Variants in DSCAM observed in about 807,000 individuals in gnomAD.
The protein encoded by DSCAM is cell adhesion molecule DSCAM.
A neutral mutation model predicts 217.7 loss-of-function variants in DSCAM; 47 were observed. The observed-to-expected ratio is 0.22, with a 90% CI of 0.17 to 0.28. DSCAM has a LOEUF of 0.28. Ranked by LOEUF, DSCAM falls within the 10% of genes least tolerant of loss-of-function variation. The pLI, the probability that DSCAM is intolerant of heterozygous loss-of-function variation, is 1.00. For missense variants in DSCAM, 2,080 were observed against 2,618.3 expected (o/e 0.79, Z 4.49); for synonymous variants, 1,056 against 1,015.3 (o/e 1.04, Z -0.76).
chr21:40,021,963 C>G (rs1356274893), intron 32 of DSCAM, among the ~76,000 whole-genome samples: 1 of 152,310 alleles, frequency 6.6e-6, no homozygotes, highest in South Asian at 2.1e-4. Context: ...AGCAAAACTT[C>G]CTGAATTTTC....
intron 16 of DSCAM, among the ~76,000 whole-genome samples, chr21:40,145,351 G>A (rs1285577833): frequency 6.6e-6 from 1 of 152,156 alleles, no homozygotes; most frequent in Non-Finnish European, 1.5e-5. Context: ...ACTGGCATGG[G>A]AAGGTGAGTG....
chr21:40,305,389 C>CA (rs58738453), intron 9 of DSCAM, among the ~76,000 whole-genome samples: 4,696 of 68,090 alleles, frequency 0.069, 211 homozygotes, highest in African/African-American at 0.096. Context: ...GATCCCGTCT[C>CA]AAAAAAAAAA....
intron 1 of DSCAM, among the ~76,000 whole-genome samples, chr21:40,779,597 T>C (rs1267800366): frequency 1.3e-5 from 2 of 151,968 alleles, no homozygotes; most frequent in African/African-American, 2.4e-5. Flanking sequence ...GGAAGACAAA[T>C]GGTATAAAAA....
intron 10 of DSCAM, among the ~76,000 whole-genome samples, chr21:40,282,933 T>G (rs1200173201): frequency 6.6e-6 from 1 of 152,202 alleles, no homozygotes; most frequent in Non-Finnish European, 1.5e-5. Flanking sequence ...AAGATAGAAA[T>G]AAAGTTTCAA....
At chr21:40,275,715 A>G (rs1227948568) in intron 11 of DSCAM, among the ~76,000 whole-genome samples, 1 of 152,200 alleles carries the variant, frequency 6.6e-6, no homozygotes, top group Non-Finnish European at 1.5e-5. Flanking sequence ...CTTTGTAAAG[A>G]GCACATCTGA....
At chr21:40,257,958 T>C (rs1388600366) in intron 11 of DSCAM, among the ~76,000 whole-genome samples, 2 of 151,978 alleles carry the variant, frequency 1.3e-5, no homozygotes. Flanking sequence ...ATCAATGGGG[T>C]TTTAAGCAAA....
At chr21:40,545,201 A>G (rs937415375) in intron 3 of DSCAM, among the ~76,000 whole-genome samples, 1 of 152,204 alleles carries the variant, frequency 6.6e-6, no homozygotes, top group Non-Finnish European at 1.5e-5. Flanking sequence ...CATGGACATC[A>G]GCAGACACAG....
chr21:40,341,015 C>A (rs539886249), intron 6 of DSCAM, among the ~76,000 whole-genome samples: 1 of 152,304 alleles, frequency 6.6e-6, no homozygotes, highest in East Asian at 1.9e-4. Context: ...AATCTCACTT[C>A]TTCATTCCAG....
chr21:40,417,071 C>A (rs1158004650), intron 3 of DSCAM, among the ~76,000 whole-genome samples: 2 of 152,080 alleles, frequency 1.3e-5, no homozygotes, highest in Non-Finnish European at 2.9e-5. Context: ...ACTCTGACGT[C>A]CATATTTGCA....
At chr21:40,280,100 C>T (rs1348185714) in intron 10 of DSCAM, among the ~76,000 whole-genome samples, 1 of 151,076 alleles carries the variant, frequency 6.6e-6, no homozygotes, top group Non-Finnish European at 1.5e-5. Flanking sequence ...ACACGTTCTG[C>T]ACATGTATCC....
chr21:40,802,198 G>A (rs530140023), intron 1 of DSCAM, among the ~76,000 whole-genome samples: 2 of 152,352 alleles, frequency 1.3e-5, no homozygotes, highest in African/African-American at 2.4e-5. Context: ...TGGAGTCAAA[G>A]GAGATTACTC....
intron 3 of DSCAM, among the ~76,000 whole-genome samples, chr21:40,432,217 AATAT>A (rs1024862160): frequency 3.2e-4 from 49 of 150,916 alleles, no homozygotes; most frequent in African/African-American, 8.5e-4. Flanking sequence ...ATAAAAAATA[AATAT>A]ATAAATAAAT....
At chr21:40,733,969 A>T (rs575873949) in intron 1 of DSCAM, among the ~76,000 whole-genome samples, 2 of 152,180 alleles carry the variant, frequency 1.3e-5, no homozygotes, top group Non-Finnish European at 2.9e-5. Flanking sequence ...TTGATTCCAA[A>T]TATAGGCAGG....
chr21:40,715,471 A>G (rs1351966392), intron 1 of DSCAM, among the ~76,000 whole-genome samples: 3 of 152,242 alleles, frequency 2.0e-5, no homozygotes, highest in Non-Finnish European at 2.9e-5. Context: ...CATTTTGTAC[A>G]AGCGATAGCT....
intron 2 of DSCAM, among the ~76,000 whole-genome samples, chr21:40,699,100 T>G (rs1478012481): frequency 6.6e-6 from 1 of 152,110 alleles, no homozygotes; most frequent in East Asian, 1.9e-4. Flanking sequence ...TGTCTCTGTG[T>G]CACATTTTGG....
intron 3 of DSCAM, among the ~76,000 whole-genome samples, chr21:40,458,542 G>A (rs911874459): frequency 3.3e-5 from 5 of 152,076 alleles, no homozygotes; most frequent in African/African-American, 1.2e-4. Flanking sequence ...AAATATGCAT[G>A]AGGAAAGCAA....
At chr21:40,064,466 G>A (rs1441648743) in intron 27 of DSCAM, among the ~76,000 whole-genome samples, 1 of 152,126 alleles carries the variant, frequency 6.6e-6, no homozygotes, top group Non-Finnish European at 1.5e-5. Flanking sequence ...AGGAATTGCG[G>A]AGTCCAGCAG....
At chr21:40,427,540 A>G (rs891404143) in intron 3 of DSCAM, among the ~76,000 whole-genome samples, 2 of 152,214 alleles carry the variant, frequency 1.3e-5, no homozygotes, top group Non-Finnish European at 2.9e-5. Flanking sequence ...CACAATGCCC[A>G]CCTGCAGTCA....
intron 3 of DSCAM, among the ~76,000 whole-genome samples, chr21:40,607,240 A>G (rs2089252577): frequency 6.7e-6 from 1 of 150,340 alleles, no homozygotes; most frequent in Non-Finnish European, 1.5e-5. Flanking sequence ...AGCAAAAAGA[A>G]CTAATAAAAC....
Sources: allele counts gnomAD v4.1 joint callset (sites outside exome capture counted in the v4.1 genomes callset), GRCh38; gene constraint gnomAD v4.1.1; transcripts MANE v1.5; gene names NCBI Gene and HGNC (gene_info 2026-07-23, HGNC 2026-07-21).